Variants in WWC2 observed in about 807,000 individuals in gnomAD.
WWC2 encodes the protein WW and C2 domain containing 2, also known as protein WWC2.
Under a neutral mutation model 138.5 loss-of-function variants are expected in WWC2, and 101 were observed. That is an observed-to-expected ratio of 0.73 (90% CI 0.62 to 0.86). The LOEUF is 0.86. Ranked by LOEUF, WWC2 falls within the 40% of genes least tolerant of loss-of-function variation. The pLI, the probability that WWC2 is intolerant of heterozygous loss-of-function variation, is 0.00. For synonymous variants in WWC2, 558 were observed against 538.4 expected, an observed-to-expected ratio of 1.04 and a Z score of -0.50; for missense variants, 1,420 against 1,419.4, an observed-to-expected ratio of 1.00 and a Z score of -0.01.
intron 1 of WWC2, among the ~76,000 whole-genome samples, chr4:183,167,137 G>A (rs1003366911): frequency 5.9e-5 from 9 of 152,268 alleles, no homozygotes; most frequent in South Asian, 4.2e-4. Flanking sequence ...ATATGGCCAC[G>A]GAGTGTGGTT....
chr4:183,153,818 T>G (rs530389039), intron 1 of WWC2, among the ~76,000 whole-genome samples: 1 of 151,766 alleles, frequency 6.6e-6, no homozygotes, highest in South Asian at 2.1e-4. Context: ...GCTAATTTTG[T>G]ATTTTTTATA....
rs1371086219 is a variant in WWC2, at chr4:183,317,984, G to A, written c.*2255G>A. The A allele has an allele frequency of 6.6e-6, 1 of 152,092 alleles. No individual in the cohort carries two copies. The highest frequency in any genetic ancestry group is 1.9e-4 in the East Asian group (1 of 5,200). The allele number at this position is 152,092 out of a possible 1,614,324, so 9.4% of individuals were successfully genotyped here. On this transcript the variant is annotated 3_prime_UTR_variant, in exon 23 of 23. Transcript: ENST00000403733. Reference sequence around the variant, plus strand: ...CAATAGTGTTATGTATTTATAGGCAGCTTTTAATAATCTTGTCATATTTGT... The same window carrying A: ...CAATAGTGTTATGTATTTATAGGCAACTTTTAATAATCTTGTCATATTTGT...
intron 2 of WWC2, among the ~76,000 whole-genome samples, chr4:183,194,395 T>G (rs995233249): frequency 1.3e-5 from 2 of 152,128 alleles, no homozygotes; most frequent in Admixed American, 6.5e-5. Context: ...TAGCACTCTA[T>G]CTACTCCTTT....
chr4:183,194,077 CTT>C (rs1054804046), intron 2 of WWC2, among the ~76,000 whole-genome samples: 1 of 152,184 alleles, frequency 6.6e-6, no homozygotes, highest in African/African-American at 2.4e-5. Flanking sequence ...CACAGAAAGA[CTT>C]GGGCGTTGGC....
intron 2 of WWC2, among the ~76,000 whole-genome samples, chr4:183,198,375 C>G (rs1735201283): frequency 6.6e-6 from 1 of 152,046 alleles, no homozygotes; most frequent in South Asian, 2.1e-4. Context: ...TGCACATATA[C>G]ACAGTTTCTT....
intron 17 of WWC2, 132 bp from the exon 18 acceptor site, chr4:183,282,576 C>A: frequency 4.4e-6 from 4 of 900,460 alleles, no homozygotes; most frequent in South Asian, 1.7e-5. Context: ...AGTTAAAAAC[C>A]CCAGCCAAAG....
chr4:183,264,599 C>T (rs1340779385), intron 11 of WWC2, among the ~76,000 whole-genome samples: 1 of 152,142 alleles, frequency 6.6e-6, no homozygotes, highest in Non-Finnish European at 1.5e-5. Context: ...GCTAGAAGCT[C>T]TCTCTGTGAT....
intron 1 of WWC2, among the ~76,000 whole-genome samples, chr4:183,104,236 G>T (rs549877349): frequency 6.6e-6 from 1 of 152,076 alleles, no homozygotes. Context: ...TGGAGTCCCC[G>T]ATTGCTTATT....
Position 183,289,646 on chromosome 4 carries a change from C to A in WWC2, c.3384+11C>A. ...CAAGCTGAGAAGCAGGTACGCAGCT[C>A]AGGGTCTGTCATCTCGGAGGGGCTT... On this transcript the variant is annotated intron_variant, in intron 21 of 22. Coordinates refer to ENST00000403733, the MANE Select transcript of WWC2 (RefSeq NM_024949.6). The A allele has an allele frequency of 2.5e-6, 4 of 1,611,456 alleles. No individual in the cohort carries two copies. The highest frequency in any genetic ancestry group is 1.1e-5 in the South Asian group (1 of 90,780).
chr4:183,195,901 G>A lies in WWC2; in HGVS notation c.241+2193G>A, dbSNP rs186669051. On this transcript the variant is annotated intron_variant, in intron 2 of 22. Transcript: ENST00000403733. ...ATTTGTCCCATCTAAATCTCATGCT[G>A]AAATGTAATCTCCAGTGTTGGAGGT... Among the ~76,000 whole-genome samples, 599 of 152,292 alleles carry A rather than the reference G, an allele frequency of 3.9e-3. 8 individuals are homozygous for A. Among genetic ancestry groups the A allele is most frequent in the South Asian group, 0.027 (131 of 4,818 alleles).
At chr4:183,129,252 G>GTT (rs1233484136) in intron 1 of WWC2, among the ~76,000 whole-genome samples, 1 of 152,182 alleles carries the variant, frequency 6.6e-6, no homozygotes, top group Admixed American at 6.5e-5. Context: ...AAGGTGAATA[G>GTT]TTAGCTTGAA....
In WWC2 at chr4:183,245,451, A is replaced by G. The variant is rs371530282; in HGVS notation, c.638A>G (p.Tyr213Cys). The change falls in exon 6 of 23, where the codon TAT (tyrosine) becomes TGT (cysteine). Residue 213 changes from tyrosine to cysteine, a missense_variant. Transcript: ENST00000403733. ...DKKMSGGQSGYELSEAKAILT... is the reference protein window; with the variant it reads ...DKKMSGGQSGCELSEAKAILT... ...AAAATGTCTGGAGGCCAGAGCGGGT[A>G]TGAACTCAGTGAAGCCAAAGCCATT... is the stretch of plus-strand genomic sequence containing the variant. 7 of 1,600,428 alleles carry G rather than the reference A, an allele frequency of 4.4e-6. No individual in the cohort carries two copies. Among genetic ancestry groups the G allele is most frequent in the South Asian group, 2.3e-5 (2 of 88,582 alleles).
At chr4:183,155,382 A>G (rs987336963) in intron 1 of WWC2, among the ~76,000 whole-genome samples, 1 of 152,144 alleles carries the variant, frequency 6.6e-6, no homozygotes, top group Non-Finnish European at 1.5e-5. Context: ...GCTGAAGACT[A>G]AATGATAGGA....
chr4:183,130,994 C>T (rs1732910034), intron 1 of WWC2, among the ~76,000 whole-genome samples: 1 of 152,166 alleles, frequency 6.6e-6, no homozygotes, highest in Non-Finnish European at 1.5e-5. Context: ...ACTATCACTG[C>T]AATCAAGACA....
intron 6 of WWC2, 83 bp from the exon 7 acceptor site, chr4:183,248,631 C>A: frequency 4.3e-6 from 6 of 1,390,844 alleles, no homozygotes; most frequent in Non-Finnish European, 5.8e-6. Flanking sequence ...GAGATTAGCT[C>A]TTTCCTTTTA....
At chr4:183,216,298 A>C (rs988927041) in intron 4 of WWC2, among the ~76,000 whole-genome samples, 1 of 152,216 alleles carries the variant, frequency 6.6e-6, no homozygotes, top group Admixed American at 6.5e-5. Flanking sequence ...AAGGCATCAG[A>C]ATTTTAGCTC....
chr4:183,252,960 C>G (rs1737023708), intron 8 of WWC2, among the ~76,000 whole-genome samples: 1 of 152,170 alleles, frequency 6.6e-6, no homozygotes, highest in Admixed American at 6.5e-5. Context: ...GCCTCAAACT[C>G]CTGGGCTCAA....
At position 183,103,851 on chromosome 4, in the gene WWC2, A is replaced by G. The variant is rs149790296; in HGVS notation, c.131+4229A>G. On this transcript the variant is annotated intron_variant, in intron 1 of 22. Coordinates refer to ENST00000403733, the MANE Select transcript of WWC2 (RefSeq NM_024949.6). ...GGGTTTCACCATGTTGGCCAGGATGATCTCCATCTCCTGACCTTGTGATGC... is the reference window on the plus strand; with the variant it reads ...GGGTTTCACCATGTTGGCCAGGATGGTCTCCATCTCCTGACCTTGTGATGC... 6.8e-3 allele frequency among the ~76,000 whole-genome samples: 965 copies of G among 141,446 alleles called. 24 individuals carry two copies. Among genetic ancestry groups the G allele is most frequent in the Non-Finnish European group, 4.5e-3 (294 of 65,446 alleles). The allele number at this position is 141,446 out of a possible 152,430, so 92.8% of individuals were successfully genotyped here.
chr4:183,304,066 A>G (rs1323441786), intron 21 of WWC2, among the ~76,000 whole-genome samples: 1 of 152,182 alleles, frequency 6.6e-6, no homozygotes, highest in East Asian at 1.9e-4. Flanking sequence ...TTCTGGTCCA[A>G]CATATAAGGA....
Sources: gnomAD v4.1 joint callset for allele counts (sites outside exome capture counted in the v4.1 genomes callset) on GRCh38, gnomAD v4.1.1 for gene constraint, MANE v1.5 for transcripts, NCBI Gene and HGNC (gene_info 2026-07-23, HGNC 2026-07-21) for gene names.